Variants in CHODL observed in about 807,000 individuals in gnomAD.
The protein encoded by CHODL is chondrolectin.
CHODL carries 29 observed loss-of-function variants against 34.5 expected under a neutral mutation model. That is an observed-to-expected ratio of 0.84 (90% confidence interval 0.63 to 1.15). CHODL has a LOEUF of 1.15. Among genes scored for constraint, CHODL ranks in the 50% most tolerant of loss-of-function variants. The pLI is 0.00. For synonymous variants in CHODL, 125 were observed against 116.1 expected, an observed-to-expected ratio of 1.08 and a Z score of -0.49; for missense variants, 332 against 332.5, an observed-to-expected ratio of 1.00 and a Z score of 0.01.
rs147820539 is a variant in CHODL at position 18,005,695 on chromosome 21, T to G, written c.-144-22177T>G. Among the ~76,000 whole-genome samples, 20 of 152,326 alleles carry G rather than the reference T, an allele frequency of 1.3e-4. No homozygotes were observed. The East Asian group carries it at 3.9e-3, about 29-fold the overall frequency. On this transcript the variant is annotated intron_variant, in intron 1 of 6. Transcript: ENST00000400127. ...TGAGGTTCCTCCAAGAGCTTGACTATCACTGGTTCCAGTTTGAGGAGCTAG... is the reference window on the plus strand; with the variant it reads ...TGAGGTTCCTCCAAGAGCTTGACTAGCACTGGTTCCAGTTTGAGGAGCTAG...
chr21:18,091,164 T>C (rs954656014), intron 2 of CHODL, among the ~76,000 whole-genome samples: 1 of 152,206 alleles, frequency 6.6e-6, no homozygotes, highest in Non-Finnish European at 1.5e-5. Flanking sequence ...GGACCAGCCC[T>C]AGCTAGAGGT....
chr21:18,121,099 T>A (rs967042064), intron 2 of CHODL, among the ~76,000 whole-genome samples: 3 of 152,128 alleles, frequency 2.0e-5, no homozygotes, highest in Admixed American at 6.5e-5. Context: ...AACTCATACT[T>A]TTCAAGTTCC....
At chr21:18,077,676 C>A (rs2064882724) in intron 2 of CHODL, among the ~76,000 whole-genome samples, 2 of 152,140 alleles carry the variant, frequency 1.3e-5, no homozygotes, top group Non-Finnish European at 1.5e-5. Flanking sequence ...TGTGAGGACA[C>A]ATTGAAAGAG....
At chr21:18,256,373 T>C (rs915113967) in intron 1 of CHODL, 136 bp from the exon 2 acceptor site, 1 of 899,988 alleles carries the variant, frequency 1.1e-6, no homozygotes, top group Non-Finnish European at 1.7e-6. Context: ...AAATAAACTT[T>C]ATGAAATAAT....
chr21:17,943,042 C>T (rs761200853), intron 1 of CHODL, among the ~76,000 whole-genome samples: 2 of 152,154 alleles, frequency 1.3e-5, no homozygotes, highest in Non-Finnish European at 2.9e-5. Flanking sequence ...CCCAGCCATG[C>T]CCCTGGTACA....
At chr21:17,917,876 CGTGT>C (rs138828872) in intron 1 of CHODL, among the ~76,000 whole-genome samples, 5 of 150,706 alleles carry the variant, frequency 3.3e-5, no homozygotes, top group African/African-American at 9.7e-5. Context: ...CTCTGATATG[CGTGT>C]GTGTGTGTGT....
At chr21:18,146,659 C>A (rs1452740468) in intron 2 of CHODL, among the ~76,000 whole-genome samples, 2 of 152,204 alleles carry the variant, frequency 1.3e-5, no homozygotes, top group Non-Finnish European at 2.9e-5. Context: ...ATTACCCAGT[C>A]TCAGCTATTT....
At chr21:18,085,917 T>C (rs2065000672) in intron 2 of CHODL, among the ~76,000 whole-genome samples, 1 of 152,094 alleles carries the variant, frequency 6.6e-6, no homozygotes, top group Non-Finnish European at 1.5e-5. Context: ...ACATGGGAAG[T>C]TTTCATTGAT....
chr21:18,225,377 A>G (rs1023129790), intron 2 of CHODL, among the ~76,000 whole-genome samples: 1 of 152,172 alleles, frequency 6.6e-6, no homozygotes, highest in Non-Finnish European at 1.5e-5. Context: ...CTTTTCACTT[A>G]TAGTTGTCAC....
intron 5 of CHODL, among the ~76,000 whole-genome samples, chr21:18,264,069 A>G (rs2074416656): frequency 6.6e-6 from 1 of 152,166 alleles, no homozygotes; most frequent in Non-Finnish European, 1.5e-5. Flanking sequence ...ATTAGTAACC[A>G]AAACAGCTAA....
chr21:18,071,574 G>A (rs142802046), intron 2 of CHODL, among the ~76,000 whole-genome samples: 86 of 152,032 alleles, frequency 5.7e-4, no homozygotes, highest in Middle Eastern at 3.4e-3. Context: ...AGCTCCCCAC[G>A]TGATTTTTCT....
intron 2 of CHODL, among the ~76,000 whole-genome samples, chr21:18,088,765 A>C (rs186042834): frequency 7.2e-5 from 11 of 152,348 alleles, no homozygotes. Flanking sequence ...TGGAGGAGGC[A>C]CATACTACCT....
At chr21:17,965,382 G>A (rs999468108) in intron 1 of CHODL, among the ~76,000 whole-genome samples, 3 of 152,032 alleles carry the variant, frequency 2.0e-5, no homozygotes, top group Non-Finnish European at 4.4e-5. Context: ...AATATATAGT[G>A]CAGTCATATT....
At chr21:18,245,894 G>C in intron 1 of CHODL, 1 of 1,535,284 alleles carries the variant, frequency 6.5e-7, no homozygotes, top group Non-Finnish European at 8.7e-7. Context: ...GTTCCAAGTT[G>C]GGGACTTCCC....
At chr21:18,063,857 TCTCA>T (rs1189692057) in intron 2 of CHODL, among the ~76,000 whole-genome samples, 2 of 151,862 alleles carry the variant, frequency 1.3e-5, no homozygotes, top group African/African-American at 2.4e-5. Flanking sequence ...GCATCCTTTC[TCTCA>T]CTCACTCTCT....
intron 4 of CHODL, among the ~76,000 whole-genome samples, chr21:18,260,847 CAAA>C (rs796997087): frequency 0.025 from 2,718 of 109,568 alleles, 88 homozygotes; most frequent in African/African-American, 0.12. Flanking sequence ...ACAACAACAA[CAAA>C]AAAACACCAC....
intron 2 of CHODL, among the ~76,000 whole-genome samples, chr21:18,121,871 G>A (rs1450192123): frequency 6.6e-6 from 1 of 152,022 alleles, no homozygotes; most frequent in Admixed American, 6.6e-5. Context: ...TCATAGTGCT[G>A]GTCACTAGTT....
chr21:17,976,210 G>A (rs2063660621), intron 1 of CHODL, among the ~76,000 whole-genome samples: 1 of 129,088 alleles, frequency 7.7e-6, no homozygotes, highest in Admixed American at 9.6e-5. Flanking sequence ...GGCGGATATT[G>A]CAGTGAGCCG....
intron 1 of CHODL, among the ~76,000 whole-genome samples, chr21:17,982,826 T>TC (rs2063724768): frequency 6.8e-6 from 1 of 147,190 alleles, no homozygotes; most frequent in Non-Finnish European, 1.5e-5. Flanking sequence ...TCCTGCCTCC[T>TC]CAGCCTTCTG....
Sources: allele counts gnomAD v4.1 joint callset (sites outside exome capture counted in the v4.1 genomes callset), GRCh38; gene constraint gnomAD v4.1.1; transcripts MANE v1.5; gene names NCBI Gene and HGNC (gene_info 2026-07-23, HGNC 2026-07-21).